COL4A2: variants seen among roughly 807,000 people sequenced by gnomAD.
The protein encoded by COL4A2 is collagen type IV alpha 2 chain.
Under a neutral mutation model 200.2 loss-of-function variants are expected in COL4A2, and 99 were observed. The ratio of observed to expected loss-of-function variants is 0.49; its 90% CI spans 0.42 to 0.58. The LOEUF (loss-of-function observed/expected upper bound fraction) is 0.58. COL4A2 is among the 20% of genes least tolerant of loss of function. COL4A2 has a pLI of 0.00. For synonymous variants in COL4A2, 897 were observed against 900.6 expected (o/e 1.00, Z 0.07); for missense variants, 1,950 against 2,314.1 (o/e 0.84, Z 3.23).
chr13:110,320,736 A>C (rs1296790281), intron 3 of COL4A2, among the ~76,000 whole-genome samples: 1 of 152,256 alleles, frequency 6.6e-6, no homozygotes, highest in Non-Finnish European at 1.5e-5. Flanking sequence ...GATAGAATTC[A>C]TCCGTTTTAA....
At chr13:110,434,156 A>T (rs556612910) in intron 11 of COL4A2, among the ~76,000 whole-genome samples, 2 of 152,276 alleles carry the variant, frequency 1.3e-5, no homozygotes, top group Non-Finnish European at 2.9e-5. Flanking sequence ...TATACTCACG[A>T]TCGAGGGCCA....
intron 27 of COL4A2, chr13:110,468,468 TC>T (rs1456336897): frequency 8.0e-6 from 3 of 376,640 alleles, no homozygotes; most frequent in African/African-American, 6.3e-5. Flanking sequence ...AAGGCCGGTC[TC>T]CGGGAAAGCT....
intron 4 of COL4A2, among the ~76,000 whole-genome samples, chr13:110,417,297 T>C (rs1880079638): frequency 6.6e-6 from 1 of 152,182 alleles, no homozygotes; most frequent in African/African-American, 2.4e-5. Context: ...AGTGTTTTTT[T>C]CCAAATGTCA....
chr13:110,504,060 T>C (rs1432157214), intron 44 of COL4A2, 67 bp downstream of exon 44: 2 of 1,562,280 alleles, frequency 1.3e-6, no homozygotes, highest in Non-Finnish European at 1.8e-6. Context: ...CCTGCTGGCA[T>C]TGCGTCCTCT....
chr13:110,386,252 T>C (rs2139417481), intron 4 of COL4A2, among the ~76,000 whole-genome samples: 1 of 152,264 alleles, frequency 6.6e-6, no homozygotes, highest in Admixed American at 6.5e-5. Context: ...TAAGTAGCTT[T>C]CAGCCTCCCT....
intron 32 of COL4A2, among the ~76,000 whole-genome samples, chr13:110,483,246 G>T (rs11616507): frequency 0.43 from 65,445 of 152,070 alleles, 14,883 homozygotes; most frequent in East Asian, 0.61. Context: ...CTCTAAAAAC[G>T]TAATGACTAA....
At chr13:110,454,295 G>A (rs1199633821) in intron 20 of COL4A2, among the ~76,000 whole-genome samples, 1 of 152,134 alleles carries the variant, frequency 6.6e-6, no homozygotes, top group African/African-American at 2.4e-5. Flanking sequence ...AGAGCAGCAG[G>A]GGGCAGAGGA....
At chr13:110,426,244 A>G (rs1001902271) in intron 6 of COL4A2, among the ~76,000 whole-genome samples, 5 of 152,228 alleles carry the variant, frequency 3.3e-5, no homozygotes, top group Admixed American at 2.6e-4. Flanking sequence ...CTGAGTTAAA[A>G]TGGAATGACA....
intron 4 of COL4A2, among the ~76,000 whole-genome samples, chr13:110,416,989 T>C (rs1880064093): frequency 6.6e-6 from 1 of 151,818 alleles, no homozygotes; most frequent in South Asian, 2.1e-4. Flanking sequence ...ACTTTTCTTT[T>C]TTTTTTTTTT....
At chr13:110,376,824 C>T (rs536141953) in intron 4 of COL4A2, among the ~76,000 whole-genome samples, 3 of 152,228 alleles carry the variant, frequency 2.0e-5, no homozygotes, top group Non-Finnish European at 2.9e-5. Context: ...GAGGCCAGGC[C>T]GAGTGCAGCC....
chr13:110,308,716 C>T (rs770069294), intron 3 of COL4A2, among the ~76,000 whole-genome samples: 1 of 152,166 alleles, frequency 6.6e-6, no homozygotes, highest in Admixed American at 6.5e-5. Context: ...ACACTGGGAT[C>T]CTGTTCGCCG....
chr13:110,360,004 T>C (rs967430082), intron 4 of COL4A2, among the ~76,000 whole-genome samples: 67 of 152,374 alleles, frequency 4.4e-4, no homozygotes, highest in African/African-American at 1.5e-3. Flanking sequence ...TTAACAAGGC[T>C]AAATAATTTT....
chr13:110,348,204 C>T (rs1422623620), intron 3 of COL4A2, among the ~76,000 whole-genome samples: 2 of 152,240 alleles, frequency 1.3e-5, no homozygotes, highest in Non-Finnish European at 2.9e-5. Context: ...CCAGAAAAGC[C>T]CATGGGGCTT....
At chr13:110,325,565 C>T (rs1037423985) in intron 3 of COL4A2, among the ~76,000 whole-genome samples, 3 of 150,162 alleles carry the variant, frequency 2.0e-5, no homozygotes, top group South Asian at 4.2e-4. Context: ...AGGTAAAGGA[C>T]GCTGGGCTTG....
At chr13:110,325,631 C>T (rs1258921799) in intron 3 of COL4A2, among the ~76,000 whole-genome samples, 1 of 152,196 alleles carries the variant, frequency 6.6e-6, no homozygotes, top group Non-Finnish European at 1.5e-5. Context: ...GGCTTCTAAT[C>T]CCCGTGTCGC....
In COL4A2 at chr13:110,493,389, C is replaced by T. The variant is rs1037548233; in HGVS notation, c.3634+107C>T. 5.7e-6 allele frequency: 7 copies of T among 1,233,804 alleles called. No homozygotes were observed. In the African/African-American group the frequency reaches 1.1e-4, roughly 19 times the overall value. 76.4% of individuals were successfully genotyped at this position (1,233,804 alleles called of 1,614,324 possible). A position where few individuals can be genotyped will look rare whatever the true frequency, so the allele number is the denominator to read the frequency against. On this transcript the variant is annotated intron_variant, in intron 39 of 47. Transcript: ENST00000360467. ...TCAGGGAATGGAGGGTCTCAGAGAG[C>T]AGGGTGGGCTTCCTGAAGTGCTATG...
At chr13:110,383,880 G>C (rs1034975415) in intron 4 of COL4A2, among the ~76,000 whole-genome samples, 1 of 152,194 alleles carries the variant, frequency 6.6e-6, no homozygotes, top group Non-Finnish European at 1.5e-5. Context: ...CCGAAGTGTT[G>C]ACATTACAGG....
chr13:110,456,769 G>T, intron 20 of COL4A2: 1 of 475,702 alleles, frequency 2.1e-6, no homozygotes, highest in African/African-American at 2.0e-5. Flanking sequence ...CTTGATGCTG[G>T]TGCCTCACAA....
intron 4 of COL4A2, among the ~76,000 whole-genome samples, chr13:110,401,487 C>A (rs1442951389): frequency 6.6e-6 from 1 of 152,144 alleles, no homozygotes; most frequent in African/African-American, 2.4e-5. Flanking sequence ...GGAACTAAAA[C>A]AAACAAAACT....
Sources: gnomAD v4.1 joint callset for allele counts (sites outside exome capture counted in the v4.1 genomes callset) on GRCh38, gnomAD v4.1.1 for gene constraint, MANE v1.5 for transcripts, NCBI Gene and HGNC (gene_info 2026-07-23, HGNC 2026-07-21) for gene names.